DYNC1I1: variants seen among roughly 807,000 people sequenced by gnomAD.
The protein encoded by DYNC1I1 is cytoplasmic dynein 1 intermediate chain 1.
Under a neutral mutation model 86.6 loss-of-function variants are expected in DYNC1I1, and 43 were observed. The ratio of observed to expected loss-of-function variants is 0.50; its 90% CI spans 0.39 to 0.64. DYNC1I1 has a LOEUF of 0.64. DYNC1I1 is among the 30% of genes least tolerant of loss of function. The pLI, the probability that DYNC1I1 is intolerant of heterozygous loss-of-function variation, is 0.00. For synonymous variants in DYNC1I1, 262 were observed against 283.7 expected, an observed-to-expected ratio of 0.92 and a Z score of 0.77; for missense variants, 604 against 788.8, an observed-to-expected ratio of 0.77 and a Z score of 2.81.
chr7:95,876,697 A>C (rs935226932), intron 6 of DYNC1I1, among the ~76,000 whole-genome samples: 6 of 152,186 alleles, frequency 3.9e-5, no homozygotes, highest in Non-Finnish European at 8.8e-5. Flanking sequence ...TAGCAGAACT[A>C]AATAATATTA....
intron 6 of DYNC1I1, among the ~76,000 whole-genome samples, chr7:95,883,552 T>TA (rs1203607216): frequency 6.6e-6 from 1 of 152,198 alleles, no homozygotes; most frequent in Non-Finnish European, 1.5e-5. Context: ...TTTAAAATTC[T>TA]AAAAAACCTT....
chr7:95,821,289 G>A lies in DYNC1I1; in HGVS notation c.315-6768G>A, dbSNP rs374039591. 4.5e-4 allele frequency among the ~76,000 whole-genome samples: 68 copies of A among 152,272 alleles called. No individual in the cohort carries two copies. In the Middle Eastern group the frequency reaches 0.02, roughly 46 times the overall value. On this transcript the variant is annotated intron_variant, in intron 4 of 16. Coordinates refer to ENST00000447467, the MANE Select transcript of DYNC1I1 (RefSeq NM_001135556.2). The stretch of plus-strand genomic sequence containing the variant: ...TTGACACATTTAATTTGAATCTAAG[G>A]AAATGTTGCTGTGTAGTTACAGCTC...
At chr7:96,077,237 ATTTG>A (rs1280901973) in intron 15 of DYNC1I1, among the ~76,000 whole-genome samples, 1 of 117,134 alleles carries the variant, frequency 8.5e-6, no homozygotes, top group Non-Finnish European at 1.7e-5. Context: ...CTTCCCTAGT[ATTTG>A]TGTGTGTGTG....
intron 6 of DYNC1I1, among the ~76,000 whole-genome samples, chr7:95,963,255 T>A (rs1792921111): frequency 6.6e-6 from 1 of 152,160 alleles, no homozygotes; most frequent in Non-Finnish European, 1.5e-5. Flanking sequence ...CCTATTTAAT[T>A]TTCAGAGCAC....
rs71127429 is a variant in DYNC1I1, at chr7:95,823,952, C to CTATATATATATATATA, written c.315-4093_315-4078dup. Among the ~76,000 whole-genome samples, 297 of 77,802 alleles carry CTATATATATATATATA rather than the reference C, an allele frequency of 3.8e-3. 10 individuals are homozygous for CTATATATATATATATA. The highest frequency in any genetic ancestry group is 6.3e-3 in the African/African-American group (95 of 15,106). 51.0% of individuals were successfully genotyped at this position (77,802 alleles called of 152,430 possible). A position where few individuals can be genotyped will look rare whatever the true frequency, so the allele number is the denominator to read the frequency against. ...TTACTTTCAGATTTGTTCTACTAAA[C>CTATATATATATATATA]TATATATATATATATATATATATAT... On this transcript the variant is annotated intron_variant, in intron 4 of 16. Coordinates refer to ENST00000447467, the MANE Select transcript of DYNC1I1 (RefSeq NM_001135556.2).
intron 6 of DYNC1I1, among the ~76,000 whole-genome samples, chr7:95,907,222 G>A (rs1398030469): frequency 6.6e-6 from 1 of 152,112 alleles, no homozygotes; most frequent in African/African-American, 2.4e-5. Context: ...ATTTGGATAC[G>A]AGCATATATC....
chr7:95,853,600 T>C (rs556252690), intron 5 of DYNC1I1, among the ~76,000 whole-genome samples: 7 of 152,342 alleles, frequency 4.6e-5, no homozygotes, highest in African/African-American at 1.7e-4. Context: ...CTAGAAAATG[T>C]TCCATGTGCA....
intron 10 of DYNC1I1, among the ~76,000 whole-genome samples, chr7:96,022,934 A>G (rs547198414): frequency 2.2e-4 from 33 of 152,172 alleles, no homozygotes; most frequent in African/African-American, 7.7e-4. Flanking sequence ...ATTAAAGTTA[A>G]GTGCCTGACC....
In DYNC1I1 at chr7:96,076,126, C is replaced by T. The variant is rs539055695; in HGVS notation, c.1579C>T (p.His527Tyr). 1 of 1,614,154 alleles carries T rather than the reference C, an allele frequency of 6.2e-7. No individual in the cohort carries two copies. The highest frequency in any genetic ancestry group is 1.3e-5 in the African/African-American group (1 of 75,036). ...GTACGATGTCATGTGGTCCCCCGTG[C>T]ATCCTGCGCTTTTTGCCTGCGTGGA... The part of the protein sequence containing the change: ...YVYDVMWSPV[H>Y]PALFACVDGM... The change falls in exon 15 of 17, where the codon CAT becomes TAT. Residue 527 changes from histidine (H) to tyrosine (Y), a missense_variant. Coordinates refer to ENST00000447467, the MANE Select transcript of DYNC1I1 (RefSeq NM_001135556.2).
chr7:96,070,214 C>T (rs1336651010), intron 14 of DYNC1I1, among the ~76,000 whole-genome samples: 2 of 152,150 alleles, frequency 1.3e-5, no homozygotes, highest in East Asian at 3.9e-4. Flanking sequence ...AAATTCATAA[C>T]ACCTCCCTTG....
chr7:96,067,000 T>G (rs1169262697), intron 14 of DYNC1I1, among the ~76,000 whole-genome samples: 2 of 152,146 alleles, frequency 1.3e-5, no homozygotes, highest in African/African-American at 4.8e-5. Flanking sequence ...CAGAAACATC[T>G]CCTAAAATGA....
chr7:95,856,894 G>A (rs566580166), intron 5 of DYNC1I1, among the ~76,000 whole-genome samples: 18 of 152,096 alleles, frequency 1.2e-4, no homozygotes, highest in South Asian at 2.1e-4. Context: ...CAGGAGAATC[G>A]CTTGAATCCG....
At chr7:95,829,802 T>TG (rs1554394770) in intron 5 of DYNC1I1, among the ~76,000 whole-genome samples, 1 of 151,836 alleles carries the variant, frequency 6.6e-6, no homozygotes, top group Non-Finnish European at 1.5e-5. Context: ...AGAGAGAAGA[T>TG]GGAGACTTTC....
At chr7:95,823,952 C>CTA (rs71127429) in intron 4 of DYNC1I1, among the ~76,000 whole-genome samples, 13,087 of 77,616 alleles carry the variant, frequency 0.17, 1,456 homozygotes, top group East Asian at 0.31. Context: ...TTCTACTAAA[C>CTA]TATATATATA....
At chr7:95,834,372 C>T (rs1337996375) in intron 5 of DYNC1I1, among the ~76,000 whole-genome samples, 5 of 98,484 alleles carry the variant, frequency 5.1e-5, no homozygotes, top group African/African-American at 2.2e-4. Flanking sequence ...ATTCGTTTTG[C>T]CAGTATTTTA....
At chr7:95,980,536 CTTTTTTTTTTTTTTT>C (rs56835338) in intron 7 of DYNC1I1, among the ~76,000 whole-genome samples, 6 of 54,428 alleles carry the variant, frequency 1.1e-4, no homozygotes, top group Admixed American at 6.2e-4. Context: ...AGAAATCTGG[CTTTTTTTTTTTTTTT>C]TTTTTTTTTT....
chr7:95,893,564 T>A, intron 6 of DYNC1I1, among the ~76,000 whole-genome samples: 1 of 152,202 alleles, frequency 6.6e-6, no homozygotes, highest in Non-Finnish European at 1.5e-5. Context: ...TATAGTCCCA[T>A]AATTGCTTGG....
intron 1 of DYNC1I1, among the ~76,000 whole-genome samples, chr7:95,783,854 A>G (rs1794059305): frequency 6.6e-6 from 1 of 152,218 alleles, no homozygotes; most frequent in Admixed American, 6.5e-5. Flanking sequence ...GCTTGCCTGT[A>G]CCTAATTTTC....
chr7:96,059,025 G>T (rs1263119083), intron 14 of DYNC1I1, among the ~76,000 whole-genome samples: 1 of 152,060 alleles, frequency 6.6e-6, no homozygotes, highest in Non-Finnish European at 1.5e-5. Context: ...ATGAACCATT[G>T]CTTCTGAGGG....
Sources: gnomAD v4.1 joint callset for allele counts (sites outside exome capture counted in the v4.1 genomes callset) on GRCh38, gnomAD v4.1.1 for gene constraint, MANE v1.5 for transcripts, NCBI Gene and HGNC (gene_info 2026-07-23, HGNC 2026-07-21) for gene names.